Variants in CNIH3 observed in about 807,000 individuals in gnomAD.
CNIH3 encodes the protein cornichon family AMPA receptor auxiliary protein 3, also known as protein cornichon homolog 3.
Under a neutral mutation model 24.1 loss-of-function variants are expected in CNIH3, and 14 were observed. The ratio of observed to expected loss-of-function variants is 0.58; its 90% confidence interval spans 0.38 to 0.91. The LOEUF (loss-of-function observed/expected upper bound fraction) is 0.91. Among genes scored for constraint, CNIH3 ranks in the 40% least tolerant of loss-of-function variants. The pLI is 0.00. For synonymous variants in CNIH3, 68 were observed against 73.8 expected, an observed-to-expected ratio of 0.92 and a Z score of 0.40; for missense variants, 178 against 196.8, an observed-to-expected ratio of 0.90 and a Z score of 0.57.
At chr1:224,486,918 C>T (rs1677052236) in intron 1 of CNIH3, among the ~76,000 whole-genome samples, 1 of 152,180 alleles carries the variant, frequency 6.6e-6, no homozygotes, top group African/African-American at 2.4e-5. Flanking sequence ...AGAGTATTAT[C>T]CCCAGGTCGG....
At chr1:224,571,879 C>T (rs1302410606) in intron 4 of CNIH3, among the ~76,000 whole-genome samples, 1 of 152,172 alleles carries the variant, frequency 6.6e-6, no homozygotes, top group African/African-American at 2.4e-5. Flanking sequence ...GGGCATTGCC[C>T]AAGCAGGTTT....
At chr1:224,456,751 C>T (rs967181592) in intron 1 of CNIH3, among the ~76,000 whole-genome samples, 19 of 152,204 alleles carry the variant, frequency 1.2e-4, no homozygotes, top group African/African-American at 4.1e-4. Context: ...CAGCTGTGCC[C>T]TCCCAGGGAA....
intron 1 of CNIH3, among the ~76,000 whole-genome samples, chr1:224,449,308 G>T (rs765548462): frequency 6.6e-6 from 1 of 151,824 alleles, no homozygotes; most frequent in Non-Finnish European, 1.5e-5. Flanking sequence ...TTCACCTCCC[G>T]CATCTCCTGT....
At chr1:224,445,522 G>C (rs1675120825) in intron 1 of CNIH3, among the ~76,000 whole-genome samples, 1 of 144,638 alleles carries the variant, frequency 6.9e-6, no homozygotes, top group African/African-American at 2.6e-5. Flanking sequence ...GTTGCAATGA[G>C]CTGAGATCAT....
intron 1 of CNIH3, among the ~76,000 whole-genome samples, chr1:224,634,591 A>T (rs374145760): frequency 4.1e-4 from 63 of 152,046 alleles, no homozygotes; most frequent in African/African-American, 1.5e-3. Flanking sequence ...AAAATAAAAA[A>T]AAAAAGGTTT....
At chr1:224,646,240 A>G (rs74146223) in intron 1 of CNIH3, among the ~76,000 whole-genome samples, 5,277 of 152,296 alleles carry the variant, frequency 0.035, 287 homozygotes, top group African/African-American at 0.12. Flanking sequence ...TGACAGATGA[A>G]GAGAAAGACA....
chr1:224,616,427 C>A lies in CNIH3; in HGVS notation c.-748C>A. The A allele has an allele frequency of 9.1e-6, 9 of 987,076 alleles. No individual in the cohort carries two copies. Among genetic ancestry groups the A allele is most frequent in the Non-Finnish European group, 1.1e-5 (9 of 827,634 alleles). 61.1% of individuals were successfully genotyped at this position (987,076 alleles called of 1,614,324 possible). On this transcript the variant is annotated 5_prime_UTR_variant, in exon 1 of 6. Coordinates refer to ENST00000272133, the MANE Select transcript of CNIH3 (RefSeq NM_152495.2). ...GCAGCCACCCGGGCTGGAGTTGGCC[C>A]GTTGGGTGGAGCCAGTGCTCGCCCC...
intron 3 of CNIH3, among the ~76,000 whole-genome samples, chr1:224,699,410 A>G (rs1185086558): frequency 6.6e-6 from 1 of 152,200 alleles, no homozygotes; most frequent in Non-Finnish European, 1.5e-5. Flanking sequence ...GGGGTGCCAT[A>G]ACACAGCAGC....
intron 1 of CNIH3, among the ~76,000 whole-genome samples, chr1:224,475,702 G>A (rs529606446): frequency 1.3e-5 from 2 of 152,260 alleles, no homozygotes; most frequent in Admixed American, 1.3e-4. Flanking sequence ...CCAAAAAATA[G>A]AGGAAGAGGG....
At chr1:224,537,779 C>T (rs1679345356), downstream of CNIH3, among the ~76,000 whole-genome samples, 2 of 152,076 alleles carry the variant, frequency 1.3e-5, no homozygotes, top group African/African-American at 4.8e-5. Flanking sequence ...ACAATAACAG[C>T]CATTTAGTTT....
intron 3 of CNIH3, among the ~76,000 whole-genome samples, chr1:224,724,050 C>CA (rs1273836042): frequency 6.6e-6 from 1 of 152,112 alleles, no homozygotes; most frequent in African/African-American, 2.4e-5. Flanking sequence ...CATCTCTTAA[C>CA]AAAAAATTTT....
At chr1:224,681,850 G>T (rs938113614) in intron 2 of CNIH3, among the ~76,000 whole-genome samples, 1 of 152,182 alleles carries the variant, frequency 6.6e-6, no homozygotes, top group Non-Finnish European at 1.5e-5. Context: ...TGCACACACA[G>T]TTCATTCAAG....
chr1:224,584,963 C>T (rs1499289), intron 5 of CNIH3, among the ~76,000 whole-genome samples: 34,292 of 152,116 alleles, frequency 0.23, 4,223 homozygotes, highest in Admixed American at 0.33. Context: ...TGCTGACTTA[C>T]TCAATAATCT....
intron 1 of CNIH3, among the ~76,000 whole-genome samples, chr1:224,494,343 C>T (rs1277958955): frequency 6.6e-6 from 1 of 152,110 alleles, no homozygotes; most frequent in East Asian, 1.9e-4. Context: ...ATGCTGGGTC[C>T]TCTTGATTTA....
At chr1:224,692,365 C>T (rs181754992) in intron 3 of CNIH3, among the ~76,000 whole-genome samples, 106 of 152,242 alleles carry the variant, frequency 7.0e-4, no homozygotes, top group Admixed American at 1.2e-3. Context: ...TGGCACTCCT[C>T]GCCACAAGGG....
chr1:224,547,678 G>A (rs2124959995), intron 3 of CNIH3, among the ~76,000 whole-genome samples: 1 of 151,804 alleles, frequency 6.6e-6, no homozygotes, highest in South Asian at 2.1e-4. Flanking sequence ...TATTACAGTG[G>A]GTGTACACCC....
chr1:224,471,348 C>T (rs1321890917), intron 1 of CNIH3, among the ~76,000 whole-genome samples: 2 of 152,020 alleles, frequency 1.3e-5, no homozygotes, highest in Non-Finnish European at 2.9e-5. Flanking sequence ...AGCTCTTATT[C>T]ATTCATTCTA....
chr1:224,494,144 T>C (rs1253710604), intron 1 of CNIH3, among the ~76,000 whole-genome samples: 1 of 152,236 alleles, frequency 6.6e-6, no homozygotes, highest in Admixed American at 6.5e-5. Context: ...TGTGGTAATA[T>C]AATTTCTGAA....
chr1:224,516,676 G>T (rs114079890), intron 1 of CNIH3, among the ~76,000 whole-genome samples: 5 of 152,212 alleles, frequency 3.3e-5, no homozygotes, highest in Admixed American at 3.3e-4. Flanking sequence ...AGACAGCCTG[G>T]CCCCTGCATG....
Sources: allele counts gnomAD v4.1 joint callset (sites outside exome capture counted in the v4.1 genomes callset), GRCh38; gene constraint gnomAD v4.1.1; transcripts MANE v1.5; gene names NCBI Gene and HGNC (gene_info 2026-07-23, HGNC 2026-07-21).